The following TMEM156 variants were observed in gnomAD, a reference collection of about 807,000 sequenced individuals.
TMEM156 encodes the protein transmembrane protein 156.
TMEM156 carries 28 observed loss-of-function variants against 30.5 expected under a neutral mutation model. The ratio of observed to expected loss-of-function variants is 0.92; its 90% CI spans 0.68 to 1.26. TMEM156 has a LOEUF of 1.26. Ranked by LOEUF, TMEM156 falls within the 50% of genes most tolerant of loss-of-function variation. The probability of loss-of-function intolerance (pLI) is 0.00; values close to 1 mark genes in which losing one functional copy is unlikely to be tolerated. For synonymous variants in TMEM156, 137 were observed against 119.9 expected, an observed-to-expected ratio of 1.14 and a Z score of -0.93; for missense variants, 351 against 340.6, an observed-to-expected ratio of 1.03 and a Z score of -0.24.
chr4:39,025,947 C>A (rs934033313), intron 1 of TMEM156, among the ~76,000 whole-genome samples: 1 of 152,178 alleles, frequency 6.6e-6, no homozygotes, highest in Non-Finnish European at 1.5e-5. Context: ...TCAAGGTTTT[C>A]TTTTGATTTC....
chr4:38,972,292 C>T (rs1436490856), intron 5 of TMEM156, among the ~76,000 whole-genome samples: 2 of 129,982 alleles, frequency 1.5e-5, no homozygotes, highest in African/African-American at 5.8e-5. Flanking sequence ...CTCACTCTGT[C>T]GCCCAGGCTA....
intron 1 of TMEM156, among the ~76,000 whole-genome samples, chr4:39,004,210 G>A (rs1354325109): frequency 1.3e-5 from 2 of 152,092 alleles, no homozygotes; most frequent in African/African-American, 4.8e-5. Context: ...ATGCATTCCA[G>A]AATTACTCCA....
intron 3 of TMEM156, among the ~76,000 whole-genome samples, chr4:38,991,047 C>T (rs1179495874): frequency 2.6e-5 from 4 of 151,298 alleles, no homozygotes; most frequent in Admixed American, 1.3e-4. Context: ...GTTAGTCAGG[C>T]TGGTCTCGAA....
intron 1 of TMEM156, among the ~76,000 whole-genome samples, chr4:39,019,339 T>C (rs1007049204): frequency 6.6e-6 from 1 of 152,232 alleles, no homozygotes; most frequent in Non-Finnish European, 1.5e-5. Context: ...ATCTAATCTG[T>C]TCATTTCATT....
At chr4:38,993,137 C>T (rs1712662693) in intron 3 of TMEM156, among the ~76,000 whole-genome samples, 1 of 151,512 alleles carries the variant, frequency 6.6e-6, no homozygotes, top group African/African-American at 2.4e-5. Flanking sequence ...AGAAAATAGG[C>T]ATGTTTCAAA....
At chr4:39,001,180 C>T (rs1397976854) in intron 1 of TMEM156, among the ~76,000 whole-genome samples, 1 of 140,732 alleles carries the variant, frequency 7.1e-6, no homozygotes, top group African/African-American at 2.7e-5. Flanking sequence ...ACCATCCTGG[C>T]TAACACAGTG....
chr4:38,967,809 C>A, intron 6 of TMEM156, among the ~76,000 whole-genome samples, 168 bp from the exon 7 acceptor site: 1 of 152,222 alleles, frequency 6.6e-6, no homozygotes, highest in Non-Finnish European at 1.5e-5. Context: ...TCTTTCAGGG[C>A]AACCTGACCG....
chr4:39,025,839 G>C (rs2110067572), intron 1 of TMEM156, among the ~76,000 whole-genome samples: 1 of 152,294 alleles, frequency 6.6e-6, no homozygotes, highest in South Asian at 2.1e-4. Context: ...AAAATCTCTA[G>C]GTTTGTGATG....
chr4:38,990,621 C>G (rs1367477514), intron 3 of TMEM156, among the ~76,000 whole-genome samples: 1 of 152,048 alleles, frequency 6.6e-6, no homozygotes, highest in South Asian at 2.1e-4. Context: ...GTGCTGCCCA[C>G]CCATCCCTGC....
chr4:39,023,471 G>T (rs1233295866), intron 1 of TMEM156, among the ~76,000 whole-genome samples: 1 of 152,134 alleles, frequency 6.6e-6, no homozygotes, highest in African/African-American at 2.4e-5. Flanking sequence ...TTATATGATG[G>T]AGTACTTTGC....
chr4:39,019,132 C>A (rs1418105154), intron 1 of TMEM156, among the ~76,000 whole-genome samples: 1 of 151,458 alleles, frequency 6.6e-6, no homozygotes, highest in Non-Finnish European at 1.5e-5. Flanking sequence ...TGAGGATTTA[C>A]GTCTTTCAAT....
At chr4:39,013,679 C>T (rs1029842594) in intron 1 of TMEM156, among the ~76,000 whole-genome samples, 7 of 152,000 alleles carry the variant, frequency 4.6e-5, no homozygotes, top group African/African-American at 1.7e-4. Context: ...GGATTACAGT[C>T]ATGAGCCATC....
chr4:38,995,510 A>T (rs1055125148), intron 2 of TMEM156, among the ~76,000 whole-genome samples: 4 of 152,138 alleles, frequency 2.6e-5, no homozygotes, highest in Non-Finnish European at 5.9e-5. Flanking sequence ...AGGTCAAGAG[A>T]CTGAGATCAT....
At position 38,974,476 on chromosome 4, in the gene TMEM156, A is replaced by G. The variant is rs183019395; in HGVS notation, c.824-3339T>C. Among the ~76,000 whole-genome samples, 14 of 152,180 alleles carry G rather than the reference A, an allele frequency of 9.2e-5. No individual in the cohort carries two copies. The East Asian group carries it at 2.1e-3, about 23-fold the overall frequency. ...TTTGGTCTTGCAACAGTTTAAATAC[A>G]TTGGAAATACCTATGTCTTAGAGAT... On this transcript the variant is annotated intron_variant, in intron 5 of 6. Transcript: ENST00000381938.
chr4:39,017,900 A>G (rs766828033), intron 1 of TMEM156, among the ~76,000 whole-genome samples: 3 of 152,136 alleles, frequency 2.0e-5, no homozygotes, highest in Non-Finnish European at 4.4e-5. Context: ...TCTGTTTTAA[A>G]TGGCATATTT....
Position 38,967,045 on chromosome 4 carries a change from C to T in TMEM156, c.*635G>A, listed in dbSNP as rs539047783. ...TCGATCCCTTGACCTCATGATCCTC[C>T]CACCTCAGAATCCCAAAGTGCTGGG... On this transcript the variant is annotated 3_prime_UTR_variant, in exon 7 of 7. Transcript: ENST00000381938. 1.3e-5 allele frequency: 2 copies of T among 152,170 alleles called. No individual in the cohort carries two copies. The highest frequency in any genetic ancestry group is 3.9e-4 in the East Asian group (2 of 5,182). The allele number at this position is 152,170 out of a possible 1,614,324, so 9.4% of individuals were successfully genotyped here. A position where few individuals can be genotyped will look rare whatever the true frequency, so the allele number is the denominator to read the frequency against.
Position 39,016,387 on chromosome 4 carries a change from A to AAC in TMEM156, c.88+15838_88+15839insGT, listed in dbSNP as rs1553882034. Reference sequence around the variant, plus strand: ...GACTCTGCCTAAAAAAAAAAAAAAGAAGAAGAAAGAAAGAACCAACTTGTG... The same window carrying AAC: ...GACTCTGCCTAAAAAAAAAAAAAAGAACAGAAGAAAGAAAGAACCAACTTGTG... On this transcript the variant is annotated intron_variant, in intron 1 of 6. Coordinates refer to ENST00000381938, the MANE Select transcript of TMEM156 (RefSeq NM_024943.3). 1.1e-3 allele frequency among the ~76,000 whole-genome samples: 133 copies of AAC among 121,350 alleles called. 1 individual carries two copies. The highest frequency in any genetic ancestry group is 3.4e-3 in the African/African-American group (119 of 35,014). 79.6% of individuals were successfully genotyped at this position (121,350 alleles called of 152,430 possible).
chr4:39,007,886 C>G (rs1713851051), intron 1 of TMEM156, among the ~76,000 whole-genome samples: 1 of 151,940 alleles, frequency 6.6e-6, no homozygotes, highest in Non-Finnish European at 1.5e-5. Flanking sequence ...AGGCGCCTTG[C>G]TTTTTGTTGC....
rs563151794 is a variant in TMEM156, at chr4:38,991,742, T to C, written c.619+1996A>G. 4.6e-5 allele frequency among the ~76,000 whole-genome samples: 7 copies of C among 152,242 alleles called. No homozygotes were observed. In the South Asian group the frequency reaches 1.2e-3, roughly 27 times the overall value. On this transcript the variant is annotated intron_variant, in intron 3 of 6. Transcript: ENST00000381938. Reference sequence around the variant, plus strand: ...TATTTTTTCTTTATTTTAGAAAAAATATAAAATACAGTTAGGTGGATATAC... The same window carrying C: ...TATTTTTTCTTTATTTTAGAAAAAACATAAAATACAGTTAGGTGGATATAC...
Sources: allele counts gnomAD v4.1 joint callset (sites outside exome capture counted in the v4.1 genomes callset), GRCh38; gene constraint gnomAD v4.1.1; transcripts MANE v1.5; gene names NCBI Gene and HGNC (gene_info 2026-07-23, HGNC 2026-07-21).